The following NAALADL2 variants were observed in gnomAD, a reference collection of about 807,000 sequenced individuals.
NAALADL2 encodes N-acetylated alpha-linked acidic dipeptidase like 2.
A neutral mutation model predicts 87.2 loss-of-function variants in NAALADL2; 76 were observed. The ratio of observed to expected loss-of-function variants is 0.87; its 90% confidence interval spans 0.72 to 1.05. The LOEUF (loss-of-function observed/expected upper bound fraction) is 1.05, where lower values mean the gene tolerates loss of function less well. Among genes scored for constraint, NAALADL2 ranks in the 50% least tolerant of loss-of-function variants. The pLI is 0.00. For missense variants in NAALADL2, 1,089 were observed against 945.8 expected (o/e 1.15, Z -1.99); for synonymous variants, 354 against 331.0 (o/e 1.07, Z -0.75).
intron 3 of NAALADL2, among the ~76,000 whole-genome samples, chr3:174,757,847 A>T (rs1712337141): frequency 6.6e-6 from 1 of 152,178 alleles, no homozygotes; most frequent in Admixed American, 6.5e-5. Flanking sequence ...AGTTTACAGC[A>T]AAAATCTTAG....
intron 2 of NAALADL2, among the ~76,000 whole-genome samples, chr3:174,737,398 A>G (rs510683): frequency 0.3 from 45,883 of 152,184 alleles, 7,443 homozygotes; most frequent in Non-Finnish European, 0.37. Flanking sequence ...AATGAAATCA[A>G]GGGAGAAAAG....
At chr3:175,416,362 G>T (rs1219575591) in intron 5 of NAALADL2, among the ~76,000 whole-genome samples, 2 of 152,038 alleles carry the variant, frequency 1.3e-5, no homozygotes, top group East Asian at 3.9e-4. Flanking sequence ...TTTTTAATTG[G>T]ATATAGCAAA....
In NAALADL2 at chr3:175,042,360, G is replaced by A. The variant is rs150642753; in HGVS notation, c.44-54430G>A. 5.3e-5 allele frequency among the ~76,000 whole-genome samples: 8 copies of A among 152,146 alleles called. No homozygotes were observed. The East Asian group carries it at 1.5e-3, about 29-fold the overall frequency. ...CCAGTTGCTCATCAATGAACATTTAGGTTGTTTCCATATTTTGACTATTGT... is the reference window on the plus strand; with the variant it reads ...CCAGTTGCTCATCAATGAACATTTAAGTTGTTTCCATATTTTGACTATTGT... On this transcript the variant is annotated intron_variant, in intron 1 of 13. Transcript: ENST00000454872.
chr3:174,873,095 G>A (rs887214070), intron 1 of NAALADL2, among the ~76,000 whole-genome samples: 1 of 151,964 alleles, frequency 6.6e-6, no homozygotes, highest in African/African-American at 2.4e-5. Flanking sequence ...TGAGCATTTC[G>A]TGTATGTAAT....
chr3:175,238,933 T>A (rs1419869571), intron 3 of NAALADL2, among the ~76,000 whole-genome samples: 1 of 152,216 alleles, frequency 6.6e-6, no homozygotes, highest in East Asian at 1.9e-4. Flanking sequence ...TTTTTGCTTT[T>A]GACAAGGTTA....
intron 2 of NAALADL2, among the ~76,000 whole-genome samples, chr3:175,107,688 T>C (rs918771468): frequency 6.6e-6 from 1 of 151,958 alleles, no homozygotes; most frequent in Admixed American, 6.6e-5. Flanking sequence ...ACTAATAATA[T>C]GAAAAATTGA....
At chr3:175,792,176 C>T (rs989140034) in intron 13 of NAALADL2, among the ~76,000 whole-genome samples, 8 of 152,106 alleles carry the variant, frequency 5.3e-5, no homozygotes, top group Non-Finnish European at 1.0e-4. Context: ...TAGTGACACA[C>T]GAATAAACTG....
chr3:174,580,788 T>A (rs1374156891), intron 2 of NAALADL2, among the ~76,000 whole-genome samples: 1 of 152,200 alleles, frequency 6.6e-6, no homozygotes, highest in Non-Finnish European at 1.5e-5. Flanking sequence ...CTTTGGGCTA[T>A]GAACATTTGA....
chr3:175,080,156 G>A (rs947941603), intron 1 of NAALADL2, among the ~76,000 whole-genome samples: 7 of 152,004 alleles, frequency 4.6e-5, no homozygotes, highest in Non-Finnish European at 1.0e-4. Context: ...TAGTAGAGGC[G>A]GGTTTTCACC....
rs568474089 is a variant in NAALADL2, at chr3:174,496,332, T to A, written c.-183-54237T>A. On this transcript the variant is annotated intron_variant, in intron 1 of 3. Coordinates refer to the NAALADL2 transcript ENST00000434257. ...TGGCTATCTTTGTGTTGACATTAGA[T>A]GTTGGTAATATTTTTGGCTCATTTC... is the stretch of plus-strand genomic sequence containing the variant. 3.3e-5 allele frequency among the ~76,000 whole-genome samples: 5 copies of A among 152,184 alleles called. No homozygotes were observed. The East Asian group carries it at 9.7e-4, about 29-fold the overall frequency.
chr3:174,455,684 A>C, intron 1 of NAALADL2, among the ~76,000 whole-genome samples: 1 of 152,192 alleles, frequency 6.6e-6, no homozygotes, highest in East Asian at 1.9e-4. Context: ...CTTCATGTTA[A>C]AAGCTCTCTA....
intron 2 of NAALADL2, among the ~76,000 whole-genome samples, chr3:175,224,080 C>T (rs1022324719): frequency 1.3e-5 from 2 of 152,056 alleles, no homozygotes; most frequent in African/African-American, 4.8e-5. Flanking sequence ...GGCGGCTCTA[C>T]AGCAACACAG....
intron 1 of NAALADL2, among the ~76,000 whole-genome samples, chr3:174,972,122 T>C (rs1287804059): frequency 1.3e-5 from 2 of 149,698 alleles, no homozygotes; most frequent in Non-Finnish European, 2.9e-5. Flanking sequence ...TCACAGAAAC[T>C]TTTCATTGAT....
intron 3 of NAALADL2, among the ~76,000 whole-genome samples, chr3:174,779,658 TA>T: frequency 6.6e-6 from 1 of 152,148 alleles, no homozygotes; most frequent in Non-Finnish European, 1.5e-5. Flanking sequence ...GTATAGGTGT[TA>T]AAAAGGGATC....
At chr3:174,451,329 G>A (rs1715465440) in intron 1 of NAALADL2, among the ~76,000 whole-genome samples, 1 of 152,278 alleles carries the variant, frequency 6.6e-6, no homozygotes, top group Admixed American at 6.5e-5. Context: ...ATTGCTGCCT[G>A]ATTTATATCT....
chr3:175,096,582 C>A (rs1022238210), intron 1 of NAALADL2, among the ~76,000 whole-genome samples: 7 of 149,624 alleles, frequency 4.7e-5, no homozygotes. Context: ...CTTCTACTTT[C>A]ATTTTTCTTT....
intron 2 of NAALADL2, among the ~76,000 whole-genome samples, chr3:175,117,654 T>C (rs1028556371): frequency 3.3e-4 from 49 of 150,664 alleles, no homozygotes; most frequent in African/African-American, 1.2e-3. Flanking sequence ...AGGAACACTT[T>C]TACACTGTTG....
chr3:175,755,133 C>A, intron 12 of NAALADL2, 87 bp from the exon 13 acceptor site: 1 of 1,118,516 alleles, frequency 8.9e-7, no homozygotes, highest in Non-Finnish European at 1.3e-6. Flanking sequence ...GTCTGTCTGG[C>A]TTATAACTTA....
chr3:174,814,349 C>T (rs919581210), intron 3 of NAALADL2, among the ~76,000 whole-genome samples: 12 of 152,156 alleles, frequency 7.9e-5, no homozygotes, highest in Middle Eastern at 3.4e-3. Flanking sequence ...CCTCGTGATC[C>T]GCCCGCCTCA....
Sources: gnomAD v4.1 joint callset for allele counts (sites outside exome capture counted in the v4.1 genomes callset) on GRCh38, gnomAD v4.1.1 for gene constraint, MANE v1.5 for transcripts, NCBI Gene and HGNC (gene_info 2026-07-23, HGNC 2026-07-21) for gene names.